DNAH8: variants seen among roughly 807,000 people sequenced by gnomAD.
The protein encoded by DNAH8 is axonemal beta dynein heavy chain 8.
DNAH8 carries 382 observed loss-of-function variants against 562.1 expected under a neutral mutation model. The observed-to-expected ratio is 0.68, with a 90% CI of 0.63 to 0.74. The LOEUF (loss-of-function observed/expected upper bound fraction) is 0.74, where lower values mean the gene tolerates loss of function less well. DNAH8 is among the 30% of genes least tolerant of loss of function. The pLI is 0.00. For synonymous variants in DNAH8, 1,881 were observed against 1,919.4 expected, an observed-to-expected ratio of 0.98 and a Z score of 0.52; for missense variants, 5,203 against 5,620.4, an observed-to-expected ratio of 0.93 and a Z score of 2.37.
chr6:38,787,783 A>C (rs1447444153), intron 18 of DNAH8, among the ~76,000 whole-genome samples: 1 of 151,956 alleles, frequency 6.6e-6, no homozygotes, highest in Non-Finnish European at 1.5e-5. Context: ...GTATATTCAG[A>C]TCCTAACACA....
At chr6:38,755,508 C>T (rs1009522249) in intron 9 of DNAH8, among the ~76,000 whole-genome samples, 2 of 152,118 alleles carry the variant, frequency 1.3e-5, no homozygotes, top group African/African-American at 4.8e-5. Context: ...TGCTAAAACA[C>T]GAACTGAGTT....
chr6:38,907,710 G>A (rs1390632879), intron 63 of DNAH8, among the ~76,000 whole-genome samples: 1 of 152,228 alleles, frequency 6.6e-6, no homozygotes, highest in Non-Finnish European at 1.5e-5. Context: ...TTGAGTGGTG[G>A]TGGAGATAGC....
intron 75 of DNAH8, among the ~76,000 whole-genome samples, chr6:38,930,856 A>G (rs559108201): frequency 1.8e-4 from 28 of 152,208 alleles, no homozygotes; most frequent in Non-Finnish European, 3.1e-4. Context: ...GATACCTGAA[A>G]CTTGTTCATC....
chr6:38,929,059 C>T (rs1039942054), intron 74 of DNAH8, among the ~76,000 whole-genome samples: 3 of 152,124 alleles, frequency 2.0e-5, no homozygotes, highest in East Asian at 1.9e-4. Context: ...ACCCTCAGTG[C>T]GACTCAATAT....
intron 57 of DNAH8, among the ~76,000 whole-genome samples, chr6:38,890,173 A>G (rs1455185516): frequency 6.6e-6 from 1 of 152,056 alleles, no homozygotes; most frequent in African/African-American, 2.4e-5. Context: ...TTCTGCCAAT[A>G]CCAGTCCATG....
intron 11 of DNAH8, 51 bp downstream of exon 11, chr6:38,761,854 C>T (rs1582933619): frequency 3.6e-6 from 4 of 1,110,208 alleles, no homozygotes; most frequent in Non-Finnish European, 5.1e-6. Context: ...CCCATCCTGC[C>T]CAATTTTACT....
At chr6:39,025,679 T>TCA (rs1485497316) in intron 91 of DNAH8, among the ~76,000 whole-genome samples, 3 of 152,242 alleles carry the variant, frequency 2.0e-5, no homozygotes, top group African/African-American at 7.2e-5. Flanking sequence ...CATACATTGG[T>TCA]ATGTGCTGGT....
chr6:38,939,272 T>C (rs556577545), intron 79 of DNAH8, among the ~76,000 whole-genome samples: 1 of 152,370 alleles, frequency 6.6e-6, no homozygotes, highest in South Asian at 2.1e-4. Flanking sequence ...AAAGTGATAC[T>C]GGTGATGGCT....
intron 87 of DNAH8, among the ~76,000 whole-genome samples, chr6:38,985,409 C>A (rs749272498): frequency 4.6e-5 from 7 of 152,162 alleles, no homozygotes; most frequent in Non-Finnish European, 7.4e-5. Flanking sequence ...AAAATTAAAG[C>A]CTCAACAACA....
chr6:38,842,559 A>G (rs1774900572), intron 34 of DNAH8, 54 bp downstream of exon 34: 1 of 1,586,192 alleles, frequency 6.3e-7, no homozygotes. Flanking sequence ...TCCTATAGGT[A>G]TTTCAGAAGC....
At chr6:38,737,328 GA>G in intron 6 of DNAH8, 72 bp downstream of exon 6, 1 of 953,916 alleles carries the variant, frequency 1.0e-6, no homozygotes, top group Non-Finnish European at 1.4e-6. Context: ...CATAAACAGA[GA>G]AAAAGTTTCT....
chr6:38,929,488 AC>A, intron 74 of DNAH8, 22 bp from the exon 75 acceptor site: 3 of 1,598,400 alleles, frequency 1.9e-6, no homozygotes, highest in Non-Finnish European at 2.6e-6. Flanking sequence ...ACACAGATAG[AC>A]CAATGAGTTC....
chr6:38,862,479 A>T (rs1488378629), intron 44 of DNAH8, 21 bp downstream of exon 44: 1 of 1,586,408 alleles, frequency 6.3e-7, no homozygotes, highest in South Asian at 1.2e-5. Context: ...AATAATGTAG[A>T]TTATTTTAGG....
At chr6:38,717,864 GAAAA>G (rs1223331913) in intron 1 of DNAH8, among the ~76,000 whole-genome samples, 1 of 151,752 alleles carries the variant, frequency 6.6e-6, no homozygotes, top group African/African-American at 2.4e-5. Context: ...ACTGCATAAA[GAAAA>G]AAATGCTGAG....
intron 67 of DNAH8, among the ~76,000 whole-genome samples, chr6:38,914,323 A>G (rs549122247): frequency 6.7e-6 from 1 of 150,234 alleles, no homozygotes. Flanking sequence ...TTTTTTTTTT[A>G]AAAGAAAGAA....
At chr6:39,022,099 A>G (rs1450451802) in intron 91 of DNAH8, among the ~76,000 whole-genome samples, 1 of 152,248 alleles carries the variant, frequency 6.6e-6, no homozygotes, top group Non-Finnish European at 1.5e-5. Context: ...ATTTTTTAAA[A>G]GAAAGAAAAC....
At position 38,883,322 on chromosome 6, in the gene DNAH8, G is replaced by C; in HGVS notation, c.8002G>C (p.Ala2668Pro). 1 of 1,604,268 alleles carries C rather than the reference G, an allele frequency of 6.2e-7. No homozygotes were observed. Among genetic ancestry groups the C allele is most frequent in the Non-Finnish European group, 8.5e-7 (1 of 1,176,452 alleles). Residue 2668 changes from alanine (A) to proline (P), a missense_variant and splice_region_variant, in exon 55 of 93, where the codon GCT becomes CCT. This residue lies in a region of DNAH8 where 977 missense variants were observed against 1,061.8 expected (regional missense o/e 0.92). Transcript: ENST00000327475. Reference protein sequence around the residue: ...LIDTIAKQHKAVLLTGEQGTA... With the variant: ...LIDTIAKQHKPVLLTGEQGTA... ...CAACACTATTATCCTATGATTGCAGGCTGTTTTGCTCACAGGAGAGCAGGG... is the reference window on the plus strand; with the variant it reads ...CAACACTATTATCCTATGATTGCAGCCTGTTTTGCTCACAGGAGAGCAGGG...
chr6:38,843,050 T>C (rs1179673934), intron 35 of DNAH8, 147 bp downstream of exon 35: 4 of 677,090 alleles, frequency 5.9e-6, no homozygotes, highest in Non-Finnish European at 9.6e-6. Context: ...CTGAACATTC[T>C]TGACTTTTAT....
chr6:38,729,355 A>G (rs992404183), intron 3 of DNAH8, among the ~76,000 whole-genome samples: 1 of 152,168 alleles, frequency 6.6e-6, no homozygotes, highest in Non-Finnish European at 1.5e-5. Flanking sequence ...TATGTTATCT[A>G]TTTAGTTTTC....
Sources: gnomAD v4.1 joint callset for allele counts (sites outside exome capture counted in the v4.1 genomes callset) on GRCh38, gnomAD v4.1.1 for gene constraint, gnomAD v4.1.1 regional missense constraint, MANE v1.5 for transcripts, NCBI Gene and HGNC (gene_info 2026-07-23, HGNC 2026-07-21) for gene names.